Variants in ZNF841 observed in about 807,000 individuals in gnomAD.
The protein encoded by ZNF841 is zinc finger protein 841, also known as TCONS_00006091.
In ZNF841, 11 loss-of-function variants were observed where a neutral mutation model predicts 13.0. The observed-to-expected ratio is 0.85, with a 90% CI of 0.53 to 1.40. The LOEUF (loss-of-function observed/expected upper bound fraction) is 1.40. ZNF841 is among the 40% of genes most tolerant of loss of function. The pLI is 0.00. For synonymous variants in ZNF841, 369 were observed against 381.6 expected (o/e 0.97, Z 0.38); for missense variants, 1,068 against 1,139.5 (o/e 0.94, Z 0.90).
At position 52,064,929 on chromosome 19, in the gene ZNF841, T is replaced by G; in HGVS notation, c.*178A>C. Reference sequence around the variant, plus strand: ...GATTACAGGCATGAGCCAGACCTCATGAGAACTATCACAAGGACAGCAACA... The same window carrying G: ...GATTACAGGCATGAGCCAGACCTCAGGAGAACTATCACAAGGACAGCAACA... On this transcript the variant is annotated 3_prime_UTR_variant, in exon 7 of 7. Coordinates refer to ENST00000594440, the MANE Select transcript of ZNF841 (RefSeq NM_001136499.2). 4.0e-6 allele frequency: 2 copies of G among 498,972 alleles called. No individual in the cohort carries two copies. Among genetic ancestry groups the G allele is most frequent in the Non-Finnish European group, 3.4e-6 (1 of 290,442 alleles). The allele number at this position is 498,972 out of a possible 1,614,324, so 30.9% of individuals were successfully genotyped here.
At position 52,066,182 on chromosome 19, in the gene ZNF841, T is replaced by G. The variant is rs1467141961; in HGVS notation, c.1700A>C (p.Lys567Thr). ...SVHMRCHTGE[K>T]PLHCNKCGMV... ...GCCACATTTATTACAATGGAGAGGT[T>G]TCTCTCCAGTATGACATCTCATATG... Residue 567 changes from lysine to threonine, a missense_variant, in exon 7 of 7, where the codon AAA (lysine) becomes ACA (threonine). By Grantham distance (78) the Lys-to-Thr change is moderately conservative (BLOSUM62 -1). Coordinates refer to ENST00000594440, the MANE Select transcript of ZNF841 (RefSeq NM_001136499.2). 2 of 1,613,674 alleles carry G rather than the reference T, an allele frequency of 1.2e-6. No homozygotes were observed. The highest frequency in any genetic ancestry group is 1.7e-6 in the Non-Finnish European group (2 of 1,179,788).
intron 2 of ZNF841, among the ~76,000 whole-genome samples, chr19:52,090,819 T>A (rs1404670012): frequency 6.6e-6 from 1 of 152,136 alleles, no homozygotes; most frequent in Non-Finnish European, 1.5e-5. Context: ...CTGTTTATCA[T>A]GAATGCAGGA....
downstream of ZNF841, among the ~76,000 whole-genome samples, chr19:52,059,957 T>G (rs2087371421): frequency 6.6e-6 from 1 of 152,168 alleles, no homozygotes; most frequent in Admixed American, 6.5e-5. Context: ...CTCTGATTGG[T>G]TGACTGACTG....
chr19:52,069,765 G>T (rs924210438), intron 6 of ZNF841, among the ~76,000 whole-genome samples: 64 of 152,098 alleles, frequency 4.2e-4, no homozygotes, highest in African/African-American at 1.4e-3. Context: ...AACCAAAGTG[G>T]CTGGCTCTGA....
Position 52,085,907 on chromosome 19 carries a change from A to G in ZNF841, c.-77-1029T>C, listed in dbSNP as rs531821637. ...AGTAAACATAACTTTTCTTTATCAC[A>G]TGAATTAAAGCACTTCTTTTTAATG... On this transcript the variant is annotated intron_variant, in intron 3 of 6. Transcript: ENST00000594440. Among the ~76,000 whole-genome samples the G allele has an allele frequency of 2.4e-4, 36 of 152,332 alleles. 1 individual carries two copies. In the South Asian group the frequency reaches 6.6e-3, roughly 28 times the overall value.
intron 4 of ZNF841, among the ~76,000 whole-genome samples, chr19:52,078,405 A>C (rs2087976792): frequency 6.6e-6 from 1 of 152,210 alleles, no homozygotes; most frequent in African/African-American, 2.4e-5. Context: ...AAAATTAAGC[A>C]AATCACTGGG....
At chr19:52,062,857 G>C (rs994260753), downstream of ZNF841, among the ~76,000 whole-genome samples, 1 of 150,876 alleles carries the variant, frequency 6.6e-6, no homozygotes, top group African/African-American at 2.4e-5. Flanking sequence ...ACCTAACATG[G>C]AATCTGTTGA....
At position 52,090,611 on chromosome 19, in the gene ZNF841, A is replaced by AG. The variant is rs1242231572; in HGVS notation, c.-143-1610_-143-1609insC. Among the ~76,000 whole-genome samples, 5 of 129,512 alleles carry AG rather than the reference A, an allele frequency of 3.9e-5. No homozygotes were observed. The Admixed American group carries it at 4.2e-4, about 11-fold the overall frequency. 85.0% of individuals were successfully genotyped at this position (129,512 alleles called of 152,430 possible). A position where few individuals can be genotyped will look rare whatever the true frequency, so the allele number is the denominator to read the frequency against. ...AACAATGTGAGGCTGGTCTCTTAAA[A>AG]AAAGAAAGAAAGAAAGAAAGAAGGA... is the stretch of plus-strand genomic sequence containing the variant. On this transcript the variant is annotated intron_variant, in intron 2 of 6. Coordinates refer to ENST00000594440, the MANE Select transcript of ZNF841 (RefSeq NM_001136499.2).
downstream of ZNF841, among the ~76,000 whole-genome samples, chr19:52,063,418 C>T (rs376011150): frequency 1.3e-5 from 2 of 152,122 alleles, no homozygotes; most frequent in African/African-American, 2.4e-5. Flanking sequence ...GGCGCAATCT[C>T]GGCTTACAGC....
intron 1 of ZNF841, 175 bp from the exon 2 acceptor site, chr19:52,094,146 A>G (rs1054976971): frequency 6.6e-6 from 1 of 152,208 alleles, no homozygotes; most frequent in African/African-American, 2.4e-5. Context: ...AACTGGATCA[A>G]GTCACTGCCC....
chr19:52,060,042 A>G (rs965450589), downstream of ZNF841, among the ~76,000 whole-genome samples: 3 of 152,206 alleles, frequency 2.0e-5, no homozygotes, highest in Non-Finnish European at 2.9e-5. Flanking sequence ...TTTGGACCCA[A>G]GAAGATTCTG....
chr19:52,058,904 CTCTG>C, the ZNF841 span: 2 of 152,594 alleles, frequency 1.3e-5, no homozygotes, highest in African/African-American at 4.9e-5. Flanking sequence ...GTGACAGAGA[CTCTG>C]TCTCAAAAAA....
At chr19:52,078,802 G>A (rs992069121) in intron 4 of ZNF841, among the ~76,000 whole-genome samples, 2 of 151,534 alleles carry the variant, frequency 1.3e-5, no homozygotes, top group Admixed American at 6.6e-5. Context: ...ATCTTATGTA[G>A]AGAAAAGAAA....
At position 52,066,773 on chromosome 19, in the gene ZNF841, T is replaced by A. The variant is rs778057886; in HGVS notation, c.1109A>T (p.Glu370Val). 6.2e-7 allele frequency: 1 copy of A among 1,613,880 alleles called. No individual in the cohort carries two copies. Among genetic ancestry groups the A allele is most frequent in the Non-Finnish European group, 8.5e-7 (1 of 1,179,838 alleles). The change falls in exon 7 of 7, where the codon GAG becomes GTG. Residue 370 changes from glutamate (E) to valine (V), a missense_variant. Glu to Val is a moderately radical substitution (Grantham distance 121). Coordinates refer to ENST00000594440, the MANE Select transcript of ZNF841 (RefSeq NM_001136499.2). ...LAVHQRIHTG[E>V]KPYKCNRCGK... ...ACATCGATTACATTTGTAAGGTTTC[T>A]CTCCAGTATGAATTCTCTGATGAAC...
At position 52,066,472 on chromosome 19, in the gene ZNF841, T is replaced by G; in HGVS notation, c.1410A>C (p.Ser470=). 6.2e-7 allele frequency: 1 copy of G among 1,613,946 alleles called. No individual in the cohort carries two copies. Among genetic ancestry groups the G allele is most frequent in the African/African-American group, 1.3e-5 (1 of 75,006 alleles). The stretch of plus-strand genomic sequence containing the variant: ...GAATTCTCCGGTGCCCTGCAAGACG[T>G]GAACGTTGAAAGAAGACCTTGCCAC... ...NECGKVFFQR[S]RLAGHRRIHT... is the part of the protein sequence containing the mutation. Residue 470 remains serine, a synonymous_variant, in exon 7 of 7, where the codon TCA becomes TCC. Transcript: ENST00000594440.
the ZNF841 span, chr19:52,058,868 T>A: frequency 1.4e-4 from 21 of 153,108 alleles, no homozygotes; most frequent in Admixed American, 8.5e-4. Context: ...TTATTTATTT[T>A]GAGACACAGT....
At chr19:52,061,986 G>C (rs1390029435), downstream of ZNF841, among the ~76,000 whole-genome samples, 1 of 152,096 alleles carries the variant, frequency 6.6e-6, no homozygotes, top group Non-Finnish European at 1.5e-5. Context: ...CACTCAGTGG[G>C]GAACACCATA....
At chr19:52,063,103 C>G (rs1324390644), downstream of ZNF841, among the ~76,000 whole-genome samples, 1 of 152,096 alleles carries the variant, frequency 6.6e-6, no homozygotes, top group Non-Finnish European at 1.5e-5. Flanking sequence ...TCTCGATTTC[C>G]TGACCTCGTG....
chr19:52,092,173 G>A (rs1197675799), intron 2 of ZNF841, among the ~76,000 whole-genome samples: 4 of 152,132 alleles, frequency 2.6e-5, no homozygotes, highest in Non-Finnish European at 4.4e-5. Flanking sequence ...CAAAGCTCCT[G>A]CACACCAAAG....
Sources: gnomAD v4.1 joint callset for allele counts (sites outside exome capture counted in the v4.1 genomes callset) on GRCh38, gnomAD v4.1.1 for gene constraint, MANE v1.5 for transcripts, NCBI Gene and HGNC (gene_info 2026-07-23, HGNC 2026-07-21) for gene names.